PTPRZ1: variants seen among roughly 807,000 people sequenced by gnomAD.
PTPRZ1 encodes receptor-type tyrosine-protein phosphatase zeta.
PTPRZ1 carries 82 observed loss-of-function variants against 214.1 expected under a neutral mutation model. The observed-to-expected ratio is 0.38, with a 90% CI of 0.32 to 0.46. The LOEUF (loss-of-function observed/expected upper bound fraction) is 0.46, where lower values mean the gene tolerates loss of function less well. PTPRZ1 is among the 20% of genes least tolerant of loss of function. The pLI is 1.00. For synonymous variants in PTPRZ1, 945 were observed against 987.9 expected, an observed-to-expected ratio of 0.96 and a Z score of 0.81; for missense variants, 2,603 against 2,748.7, an observed-to-expected ratio of 0.95 and a Z score of 1.19.
chr7:122,038,264 G>C (rs1228575140), intron 18 of PTPRZ1, among the ~76,000 whole-genome samples: 1 of 152,092 alleles, frequency 6.6e-6, no homozygotes, highest in Non-Finnish European at 1.5e-5. Flanking sequence ...TACAAAATGG[G>C]ACACAGTGAC....
intron 1 of PTPRZ1, among the ~76,000 whole-genome samples, chr7:121,899,347 CA>C (rs1392068322): frequency 6.6e-6 from 1 of 152,108 alleles, no homozygotes; most frequent in Admixed American, 6.6e-5. Context: ...CAAGATCTCT[CA>C]AGTACATTTT....
At position 121,936,610 on chromosome 7, in the gene PTPRZ1, A is replaced by G. The variant is rs1290119375; in HGVS notation, c.124+8389A>G. On this transcript the variant is annotated intron_variant, in intron 2 of 29. Transcript: ENST00000393386. ...ATTCACTCAAAAGTTACGTTAAAGT[A>G]GAAACACATCGAGGTTTGGGTGTGA... Among the ~76,000 whole-genome samples the G allele has an allele frequency of 3.3e-5, 5 of 152,010 alleles. No homozygotes were observed. In the East Asian group the frequency reaches 9.6e-4, roughly 29 times the overall value.
At chr7:122,032,813 A>G (rs1799421970) in intron 15 of PTPRZ1, among the ~76,000 whole-genome samples, 1 of 152,208 alleles carries the variant, frequency 6.6e-6, no homozygotes, top group Non-Finnish European at 1.5e-5. Context: ...TGAATAAGAA[A>G]GCAGTGTGAG....
At chr7:121,947,207 GA>G (rs566297615) in intron 2 of PTPRZ1, among the ~76,000 whole-genome samples, 7 of 148,462 alleles carry the variant, frequency 4.7e-5, no homozygotes, top group East Asian at 2.0e-4. Flanking sequence ...AGTGGTTCAA[GA>G]AAAAAAAGTC....
intron 1 of PTPRZ1, among the ~76,000 whole-genome samples, chr7:121,891,373 A>G (rs542660561): frequency 6.9e-6 from 1 of 145,772 alleles, no homozygotes; most frequent in Admixed American, 6.9e-5. Flanking sequence ...GTGTTTGTTC[A>G]CCATGGAGCC....
chr7:122,024,748 T>C (rs1450239400), intron 13 of PTPRZ1, among the ~76,000 whole-genome samples: 2 of 152,200 alleles, frequency 1.3e-5, no homozygotes, highest in South Asian at 2.1e-4. Flanking sequence ...AGAGTAGAAT[T>C]GGTGTTTACC....
rs763774545 is a variant in PTPRZ1 at position 122,010,500 on chromosome 7, G to C, written c.1454G>C (p.Arg485Thr). The part of the protein sequence containing the change: ...NEAKTNRSPT[R>T]GSEFSGKGDV... ...GCCAAGACTAACCGATCCCCAACAA[G>C]AGGAAGTGAATTCTCTGGAAAGGGT... Residue 485 changes from arginine (R) to threonine (T), a missense_variant, in exon 12 of 30, where the codon AGA becomes ACA. This residue lies in a region of PTPRZ1 where 1,913 missense variants were observed against 1,914.3 expected (regional missense o/e 1.00). Transcript: ENST00000393386. 3 of 1,614,050 alleles carry C rather than the reference G, an allele frequency of 1.9e-6. No individual in the cohort carries two copies. Among genetic ancestry groups the C allele is most frequent in the Non-Finnish European group, 2.5e-6 (3 of 1,179,944 alleles).
chr7:122,000,646 CATATATATATATATATAT>C (rs60953788), intron 10 of PTPRZ1, among the ~76,000 whole-genome samples: 10,580 of 51,568 alleles, frequency 0.21, 1,228 homozygotes, highest in Admixed American at 0.33. Context: ...TGATAGATTT[CATATATATATATATATAT>C]ATATATATAT....
chr7:121,970,653 G>GT (rs898665222), intron 3 of PTPRZ1, among the ~76,000 whole-genome samples: 2 of 151,984 alleles, frequency 1.3e-5, no homozygotes, highest in African/African-American at 2.4e-5. Context: ...GGGGTTGTTT[G>GT]TTTTTTTCTT....
intron 1 of PTPRZ1, among the ~76,000 whole-genome samples, chr7:121,925,654 C>A (rs2116361899): frequency 6.6e-6 from 1 of 152,238 alleles, no homozygotes; most frequent in South Asian, 2.1e-4. Flanking sequence ...CTGGAGTGAG[C>A]TTGTGGAAAA....
chr7:122,061,055 T>C, intron 29 of PTPRZ1, 25 bp from the exon 30 acceptor site: 1 of 1,559,350 alleles, frequency 6.4e-7, no homozygotes, highest in Admixed American at 2.0e-5. Flanking sequence ...TTCGCATTTA[T>C]TACCTCCCAT....
chr7:122,038,684 C>T (rs1799623843), intron 18 of PTPRZ1, 71 bp from the exon 19 acceptor site: 3 of 1,416,290 alleles, frequency 2.1e-6, no homozygotes, highest in Non-Finnish European at 1.9e-6. Context: ...ACCTTAAAAA[C>T]TTAGGCATTG....
intron 1 of PTPRZ1, among the ~76,000 whole-genome samples, chr7:121,916,898 C>T (rs1203119135): frequency 6.6e-6 from 1 of 152,088 alleles, no homozygotes; most frequent in Non-Finnish European, 1.5e-5. Context: ...TGTGGAGGCC[C>T]CAAGTTCCAT....
At chr7:121,978,278 C>T (rs1249108299) in intron 6 of PTPRZ1, among the ~76,000 whole-genome samples, 2 of 152,136 alleles carry the variant, frequency 1.3e-5, no homozygotes, top group African/African-American at 4.8e-5. Context: ...CTTGGATTAG[C>T]TGAGGACGGA....
At chr7:122,004,506 A>C in intron 10 of PTPRZ1, 108 bp from the exon 11 acceptor site, 1 of 642,290 alleles carries the variant, frequency 1.6e-6, no homozygotes, top group Non-Finnish European at 2.7e-6. Context: ...CAAAGCTGAC[A>C]TTAACTTTTT....
rs75753587 is a variant in PTPRZ1, at chr7:121,978,079, G to A, written c.619+1228G>A. Among the ~76,000 whole-genome samples the A allele has an allele frequency of 8.8e-3, 1,334 of 152,214 alleles. 13 individuals are homozygous for A. The highest frequency in any genetic ancestry group is 0.03 in the African/African-American group (1,231 of 41,516). ...GGGGTGCCTTGGAAGGCACTCATAC[G>A]AGCTTGAGAATAAACTTGCTCATGT... On this transcript the variant is annotated intron_variant, in intron 6 of 29. Coordinates refer to ENST00000393386, the MANE Select transcript of PTPRZ1 (RefSeq NM_002851.3).
At chr7:121,968,175 C>T (rs761686056) in intron 3 of PTPRZ1, 45 bp downstream of exon 3, 2 of 1,499,254 alleles carry the variant, frequency 1.3e-6, no homozygotes, top group Non-Finnish European at 1.8e-6. Flanking sequence ...TTTTTCAGAC[C>T]TGGAGTATGT....
At chr7:121,878,926 A>G (rs980384455) in intron 1 of PTPRZ1, among the ~76,000 whole-genome samples, 45 of 152,134 alleles carry the variant, frequency 3.0e-4, no homozygotes, top group African/African-American at 1.1e-3. Context: ...AGACTGGCCA[A>G]TTTTCACTGG....
chr7:121,916,497 A>T (rs1795432626), intron 1 of PTPRZ1, among the ~76,000 whole-genome samples: 2 of 152,230 alleles, frequency 1.3e-5, no homozygotes, highest in South Asian at 4.1e-4. Flanking sequence ...GTTCCAAATG[A>T]GTTAACTATT....
Sources: allele counts gnomAD v4.1 joint callset (sites outside exome capture counted in the v4.1 genomes callset), GRCh38; gene constraint gnomAD v4.1.1; regional missense constraint gnomAD v4.1.1; transcripts MANE v1.5; gene names NCBI Gene and HGNC (gene_info 2026-07-23, HGNC 2026-07-21).